RPS6KB1: variants seen among roughly 807,000 people sequenced by gnomAD.
RPS6KB1 encodes the protein ribosomal protein S6 kinase beta-1.
Under a neutral mutation model 70.2 loss-of-function variants are expected in RPS6KB1, and 12 were observed. The observed-to-expected ratio is 0.17, with a 90% CI of 0.11 to 0.28. The LOEUF (loss-of-function observed/expected upper bound fraction) is 0.28, where lower values mean the gene tolerates loss of function less well. RPS6KB1 is among the 10% of genes least tolerant of loss of function. RPS6KB1 has a pLI of 1.00. For missense variants in RPS6KB1, 270 were observed against 646.6 expected (o/e 0.42, Z 6.32); for synonymous variants, 175 against 211.2 (o/e 0.83, Z 1.49).
chr17:59,933,650 T>A (rs770687419), intron 7 of RPS6KB1, among the ~76,000 whole-genome samples: 10 of 152,222 alleles, frequency 6.6e-5, no homozygotes, highest in South Asian at 2.1e-4. Flanking sequence ...GCAATTTTCT[T>A]TCTTTCCCCT....
chr17:59,913,236 A>T (rs1292033), intron 3 of RPS6KB1, among the ~76,000 whole-genome samples: 28,963 of 152,108 alleles, frequency 0.19, 2,952 homozygotes, highest in East Asian at 0.39. Context: ...AAGGAATATA[A>T]AAAGGGGGAA....
intron 4 of RPS6KB1, among the ~76,000 whole-genome samples, chr17:59,915,786 T>TA (rs1568429569): frequency 1.2e-4 from 15 of 123,378 alleles, no homozygotes; most frequent in Non-Finnish European, 1.8e-4. Context: ...TTTTTTTTTT[T>TA]TTTTTTTTTT....
At position 59,918,011 on chromosome 17, in the gene RPS6KB1, G is replaced by A. The variant is rs575220215; in HGVS notation, c.381+3308G>A. Among the ~76,000 whole-genome samples, 8 of 152,170 alleles carry A rather than the reference G, an allele frequency of 5.3e-5. No individual in the cohort carries two copies. In the East Asian group the frequency reaches 1.2e-3, roughly 22 times the overall value. On this transcript the variant is annotated intron_variant, in intron 4 of 14. Coordinates refer to ENST00000225577, the MANE Select transcript of RPS6KB1 (RefSeq NM_003161.4). ...TGCAATGGCGCAATCTTGGCTCACC[G>A]CAACCTCCGCCTCCTGGGTTCAAGC... is the stretch of plus-strand genomic sequence containing the variant.
intron 1 of RPS6KB1, among the ~76,000 whole-genome samples, chr17:59,900,047 C>T (rs147756137): frequency 3.3e-5 from 5 of 152,076 alleles, no homozygotes; most frequent in Non-Finnish European, 7.4e-5. Context: ...ACACAGCACA[C>T]GCCTGGCACT....
At chr17:59,938,719 G>GTA (rs1353513004) in intron 12 of RPS6KB1, among the ~76,000 whole-genome samples, 2 of 149,538 alleles carry the variant, frequency 1.3e-5, no homozygotes, top group Non-Finnish European at 3.0e-5. Context: ...GTGTGTGTGT[G>GTA]TGTGTGTGTG....
At chr17:59,909,416 C>T (rs1011036366) in intron 1 of RPS6KB1, among the ~76,000 whole-genome samples, 7 of 150,612 alleles carry the variant, frequency 4.6e-5, no homozygotes, top group East Asian at 4.0e-4. Flanking sequence ...TACAGGCATG[C>T]GACACCGCAC....
At chr17:59,903,991 T>C (rs1328937481) in intron 1 of RPS6KB1, among the ~76,000 whole-genome samples, 2 of 152,130 alleles carry the variant, frequency 1.3e-5, no homozygotes, top group African/African-American at 4.8e-5. Flanking sequence ...GTCTTCCACC[T>C]TGGCCTCCCA....
chr17:59,895,841 C>T (rs771236665), intron 1 of RPS6KB1, among the ~76,000 whole-genome samples: 3 of 152,066 alleles, frequency 2.0e-5, no homozygotes, highest in African/African-American at 2.4e-5. Flanking sequence ...CCATGTTGCC[C>T]AGGGTGGGCC....
chr17:59,894,228 C>T (rs1392041924), intron 1 of RPS6KB1, among the ~76,000 whole-genome samples: 2 of 152,006 alleles, frequency 1.3e-5, no homozygotes, highest in Non-Finnish European at 2.9e-5. Context: ...TTGGTTTCAC[C>T]CTGCTGGCTT....
intron 13 of RPS6KB1, among the ~76,000 whole-genome samples, chr17:59,944,280 A>G (rs566839311): frequency 4.7e-4 from 72 of 152,232 alleles, no homozygotes; most frequent in Non-Finnish European, 9.3e-4. Flanking sequence ...GAAGATGGTT[A>G]AAAGAATGAA....
intron 4 of RPS6KB1, among the ~76,000 whole-genome samples, chr17:59,922,267 C>T (rs1175359408): frequency 6.6e-6 from 1 of 151,598 alleles, no homozygotes; most frequent in East Asian, 1.9e-4. Flanking sequence ...TCTCAAACTC[C>T]TGACCTCAGG....
intron 4 of RPS6KB1, among the ~76,000 whole-genome samples, chr17:59,920,950 A>G (rs907015769): frequency 6.6e-6 from 1 of 152,130 alleles, no homozygotes; most frequent in African/African-American, 2.4e-5. Flanking sequence ...CGCCCACCTC[A>G]GCCCCCTAAA....
intron 12 of RPS6KB1, among the ~76,000 whole-genome samples, chr17:59,939,545 G>A (rs1184772445): frequency 6.6e-6 from 1 of 152,204 alleles, no homozygotes; most frequent in Non-Finnish European, 1.5e-5. Context: ...GCCTCCCAAA[G>A]TGTTGGGATG....
chr17:59,941,576 T>C (rs1007148167), intron 13 of RPS6KB1, among the ~76,000 whole-genome samples: 7 of 152,116 alleles, frequency 4.6e-5, no homozygotes, highest in Admixed American at 3.9e-4. Flanking sequence ...AGTGCCAAAA[T>C]TATAGGCATG....
rs561841596 is a variant in RPS6KB1, at chr17:59,893,500, C to T, written c.141+175C>T. ...GCGGTCATGGCCCTAGGTGTGAGGC[C>T]TCTGCGGGGCTCGCAGGTGCAGGTC... is the stretch of plus-strand genomic sequence containing the variant. On this transcript the variant is annotated intron_variant, in intron 1 of 14. Coordinates refer to ENST00000225577, the MANE Select transcript of RPS6KB1 (RefSeq NM_003161.4). The surrounding 1 kb of genome is among the most constrained non-coding windows in gnomAD (Gnocchi z 4.1). Among the ~76,000 whole-genome samples the T allele has an allele frequency of 2.2e-4, 33 of 152,318 alleles. No individual in the cohort carries two copies. The East Asian group carries it at 3.5e-3, about 16-fold the overall frequency.
chr17:59,921,152 CT>C (rs989787123), intron 4 of RPS6KB1, among the ~76,000 whole-genome samples: 1 of 151,996 alleles, frequency 6.6e-6, no homozygotes, highest in African/African-American at 2.4e-5. Context: ...TTTTTCCCCA[CT>C]CATGGTGGGT....
intron 1 of RPS6KB1, 143 bp from the exon 2 acceptor site, chr17:59,910,419 C>A: frequency 1.8e-6 from 1 of 569,978 alleles, no homozygotes; most frequent in Non-Finnish European, 3.1e-6. Flanking sequence ...TTGTTCATTA[C>A]CATATTTGCC....
chr17:59,911,537 G>GTTT (rs1568416484), intron 2 of RPS6KB1, among the ~76,000 whole-genome samples: 2 of 101,532 alleles, frequency 2.0e-5, no homozygotes, highest in African/African-American at 8.9e-5. Flanking sequence ...ATTTTTGTTG[G>GTTT]GTTTTTTTTT....
At chr17:59,927,182 C>A (rs2043656622) in intron 5 of RPS6KB1, among the ~76,000 whole-genome samples, 1 of 151,980 alleles carries the variant, frequency 6.6e-6, no homozygotes, top group Non-Finnish European at 1.5e-5. Flanking sequence ...TCCTGGAGTT[C>A]AAGCGATTCT....
Sources: gnomAD v4.1 joint callset for allele counts (sites outside exome capture counted in the v4.1 genomes callset) on GRCh38, gnomAD v4.1.1 for gene constraint, Gnocchi (gnomAD v3.1) non-coding constraint, MANE v1.5 for transcripts, NCBI Gene and HGNC (gene_info 2026-07-23, HGNC 2026-07-21) for gene names.